CDKAL1: variants seen among roughly 807,000 people sequenced by gnomAD.
The protein encoded by CDKAL1 is CDKAL1 threonylcarbamoyladenosine tRNA methylthiotransferase, also known as threonylcarbamoyladenosine tRNA methylthiotransferase.
Under a neutral mutation model 68.2 loss-of-function variants are expected in CDKAL1, and 32 were observed. That is an observed-to-expected ratio of 0.47 (90% CI 0.35 to 0.63). CDKAL1 has a LOEUF of 0.63. Among genes scored for constraint, CDKAL1 ranks in the 30% least tolerant of loss-of-function variants. The pLI, the probability that CDKAL1 is intolerant of heterozygous loss-of-function variation, is 0.00. For synonymous variants in CDKAL1, 234 were observed against 244.3 expected (o/e 0.96, Z 0.39); for missense variants, 606 against 696.7 (o/e 0.87, Z 1.47).
intron 10 of CDKAL1, among the ~76,000 whole-genome samples, chr6:20,994,026 G>A (rs1435543224): frequency 1.3e-5 from 2 of 152,070 alleles, no homozygotes; most frequent in Non-Finnish European, 2.9e-5. Flanking sequence ...GCAGATACAT[G>A]CCCACCAAAT....
intron 10 of CDKAL1, among the ~76,000 whole-genome samples, chr6:20,964,022 A>G (rs1023886874): frequency 1.3e-5 from 2 of 152,228 alleles, no homozygotes; most frequent in African/African-American, 4.8e-5. Flanking sequence ...TTTTCAGAAG[A>G]CAACGTACAT....
intron 10 of CDKAL1, among the ~76,000 whole-genome samples, chr6:20,982,051 A>G (rs1766181278): frequency 7.4e-6 from 1 of 135,352 alleles, no homozygotes; most frequent in Non-Finnish European, 1.5e-5. Context: ...GGAAATTCTT[A>G]TTTATTTATT....
intron 9 of CDKAL1, among the ~76,000 whole-genome samples, chr6:20,870,255 T>C (rs1003898870): frequency 3.3e-5 from 5 of 152,308 alleles, no homozygotes; most frequent in Admixed American, 6.5e-5. Flanking sequence ...TTCCCATCAC[T>C]CATTTCCAAC....
rs138776882 is a variant in CDKAL1, at chr6:20,881,778, T to C, written c.742+35600T>C. ...GTCTATACTCTTTGTTTTTATGCAGTCTCAAATCTCCTGTTTGTATCTCCA... is the reference window on the plus strand; with the variant it reads ...GTCTATACTCTTTGTTTTTATGCAGCCTCAAATCTCCTGTTTGTATCTCCA... On this transcript the variant is annotated intron_variant, in intron 9 of 15. Coordinates refer to ENST00000274695, the MANE Select transcript of CDKAL1 (RefSeq NM_017774.3). 2.3e-3 allele frequency among the ~76,000 whole-genome samples: 357 copies of C among 152,300 alleles called. 1 individual carries two copies. Among genetic ancestry groups the C allele is most frequent in the African/African-American group, 8.0e-3 (331 of 41,560 alleles).
At chr6:20,804,685 T>A (rs1289221311) in intron 8 of CDKAL1, among the ~76,000 whole-genome samples, 1 of 152,144 alleles carries the variant, frequency 6.6e-6, no homozygotes, top group Non-Finnish European at 1.5e-5. Context: ...ATCTATGATG[T>A]TGTACAGGAA....
chr6:20,993,979 C>G (rs1211837531), intron 10 of CDKAL1, among the ~76,000 whole-genome samples: 2 of 152,172 alleles, frequency 1.3e-5, no homozygotes, highest in Non-Finnish European at 1.5e-5. Flanking sequence ...ATGCTCGCTG[C>G]TACCAGAGCT....
intron 13 of CDKAL1, among the ~76,000 whole-genome samples, chr6:21,195,734 T>C (rs900185066): frequency 2.0e-5 from 3 of 151,644 alleles, no homozygotes; most frequent in African/African-American, 7.3e-5. Context: ...GGTCTCAAAC[T>C]CCTGGACTCA....
At chr6:21,156,466 T>C (rs1272533531) in intron 13 of CDKAL1, among the ~76,000 whole-genome samples, 1 of 149,174 alleles carries the variant, frequency 6.7e-6, no homozygotes, top group African/African-American at 2.5e-5. Context: ...TGGTAAAATA[T>C]ACACTACAGT....
At chr6:21,035,885 T>C (rs1769554261) in intron 11 of CDKAL1, among the ~76,000 whole-genome samples, 1 of 152,188 alleles carries the variant, frequency 6.6e-6, no homozygotes, top group Non-Finnish European at 1.5e-5. Flanking sequence ...ATTTGCAGAA[T>C]TCTATTAGAT....
chr6:20,842,458 TTAAGA>T (rs1391780506), intron 8 of CDKAL1, among the ~76,000 whole-genome samples: 7 of 152,226 alleles, frequency 4.6e-5, no homozygotes, highest in African/African-American at 1.4e-4. Context: ...TTTTACTTTC[TTAAGA>T]TAATATACAG....
intron 9 of CDKAL1, among the ~76,000 whole-genome samples, chr6:20,866,080 A>C (rs1482248749): frequency 1.3e-5 from 2 of 152,138 alleles, no homozygotes; most frequent in Non-Finnish European, 2.9e-5. Context: ...GCCCCAAAGA[A>C]AGAAAAAATA....
chr6:20,586,512 C>T (rs1581770474), intron 4 of CDKAL1, among the ~76,000 whole-genome samples: 2 of 152,136 alleles, frequency 1.3e-5, no homozygotes, highest in Admixed American at 6.6e-5. Context: ...GTGGCCAGTG[C>T]CTATAATCCC....
chr6:20,851,366 T>C (rs1759002678), intron 9 of CDKAL1, among the ~76,000 whole-genome samples: 1 of 152,216 alleles, frequency 6.6e-6, no homozygotes, highest in Non-Finnish European at 1.5e-5. Context: ...GATATTTGTA[T>C]TGATTTTTCT....
chr6:20,987,829 G>C (rs571621094), intron 10 of CDKAL1, among the ~76,000 whole-genome samples: 1 of 151,894 alleles, frequency 6.6e-6, no homozygotes, highest in Admixed American at 6.6e-5. Flanking sequence ...GCCCAGGTTG[G>C]AGTGTAGTGG....
In CDKAL1 at chr6:20,901,550, G is replaced by A. The variant is rs1216261496; in HGVS notation, c.743-53869G>A. On this transcript the variant is annotated intron_variant, in intron 9 of 15. Transcript: ENST00000274695. ...AAAATAATTAGCCGGGCATGGTGGCGGGTGCCTGTAGTCCCAGCTACTCGG... is the reference window on the plus strand; with the variant it reads ...AAAATAATTAGCCGGGCATGGTGGCAGGTGCCTGTAGTCCCAGCTACTCGG... 2.6e-5 allele frequency among the ~76,000 whole-genome samples: 4 copies of A among 151,024 alleles called. No individual in the cohort carries two copies. In the South Asian group the frequency reaches 8.4e-4, roughly 32 times the overall value.
intron 9 of CDKAL1, among the ~76,000 whole-genome samples, chr6:20,911,700 A>G (rs564556969): frequency 1.3e-5 from 2 of 152,362 alleles, no homozygotes; most frequent in South Asian, 4.1e-4. Context: ...ATTGCTGGCA[A>G]GAAAACCTTT....
At chr6:20,780,747 C>G (rs888553690) in intron 7 of CDKAL1, among the ~76,000 whole-genome samples, 10 of 148,252 alleles carry the variant, frequency 6.7e-5, no homozygotes, top group Admixed American at 4.7e-4. Context: ...CATCTGGGCT[C>G]ACTGCAAACT....
intron 5 of CDKAL1, among the ~76,000 whole-genome samples, chr6:20,726,631 G>A (rs986613189): frequency 6.6e-6 from 1 of 152,176 alleles, no homozygotes; most frequent in Admixed American, 6.5e-5. Context: ...AACTTTTATT[G>A]GTGATACTGG....
chr6:21,217,949 A>G (rs1187664382), intron 15 of CDKAL1, among the ~76,000 whole-genome samples: 1 of 152,186 alleles, frequency 6.6e-6, no homozygotes, highest in Non-Finnish European at 1.5e-5. Context: ...GTCTAGAGTC[A>G]ATTATATGTG....
Sources: allele counts gnomAD v4.1 joint callset (sites outside exome capture counted in the v4.1 genomes callset), GRCh38; gene constraint gnomAD v4.1.1; transcripts MANE v1.5; gene names NCBI Gene and HGNC (gene_info 2026-07-23, HGNC 2026-07-21).